The following AGRN variants were observed in gnomAD, a reference collection of about 807,000 sequenced individuals.
AGRN encodes agrin proteoglycan.
A neutral mutation model predicts 211.0 loss-of-function variants in AGRN; 106 were observed. The observed-to-expected ratio is 0.50, with a 90% CI of 0.43 to 0.59. AGRN has a LOEUF of 0.59. AGRN is among the 20% of genes least tolerant of loss of function. AGRN has a pLI of 0.00. For missense variants in AGRN, 3,040 were observed against 2,982.6 expected (o/e 1.02, Z -0.45); for synonymous variants, 1,525 against 1,332.5 (o/e 1.14, Z -3.15).
At chr1:1,033,429 C>G (rs913672261) in intron 2 of AGRN, among the ~76,000 whole-genome samples, 4 of 151,568 alleles carry the variant, frequency 2.6e-5, no homozygotes, top group African/African-American at 9.7e-5. Context: ...CTCCGATTCA[C>G]CCCCGCGGGT....
intron 33 of AGRN, chr1:1,052,961 A>T (rs901689868): frequency 5.9e-6 from 1 of 169,938 alleles, no homozygotes; most frequent in African/African-American, 2.4e-5. Context: ...TGTGTGTATG[A>T]ACAGGTGTAA....
Position 1,031,349 on chromosome 1 carries a change from C to A in AGRN, c.464-3928C>A, listed in dbSNP as rs1644673391. On this transcript the variant is annotated intron_variant, in intron 2 of 35. Coordinates refer to ENST00000379370, the MANE Select transcript of AGRN (RefSeq NM_198576.4). This position sits in a 1 kb window ranked among gnomAD's most constrained non-coding sequence, Gnocchi z 4.8. Reference sequence around the variant, plus strand: ...GAGATCAGGGACCAGGGGGCTAGTACTCTTTCCTGCACATGAGCCTGCGTG... The same window carrying A: ...GAGATCAGGGACCAGGGGGCTAGTAATCTTTCCTGCACATGAGCCTGCGTG... Among the ~76,000 whole-genome samples the A allele has an allele frequency of 6.6e-6, 1 of 152,134 alleles. No individual in the cohort carries two copies. Among genetic ancestry groups the A allele is most frequent in the South Asian group, 2.1e-4 (1 of 4,830 alleles).
At chr1:1,053,618 G>C in intron 33 of AGRN, 135 bp from the exon 34 acceptor site, 1 of 1,494,762 alleles carries the variant, frequency 6.7e-7, no homozygotes, top group South Asian at 1.2e-5. Context: ...CACTGTCGGT[G>C]TCTGCCCACC....
chr1:1,045,167 C>T lies in AGRN; in HGVS notation c.2261C>T (p.Thr754Ile). The change falls in exon 13 of 36, where the codon ACC becomes ATC. Residue 754 changes from threonine to isoleucine, a missense_variant. Transcript: ENST00000379370. ...CCCGTACCCTTTCCTGCAGGCCCCA[C>T]CTTCGCCCCGCTGCCGCCTGTGGCC... ...VAAQGACRGP[T>I]FAPLPPVAPL... 1.9e-6 allele frequency: 3 copies of T among 1,612,264 alleles called. No homozygotes were observed. The highest frequency in any genetic ancestry group is 2.5e-6 in the Non-Finnish European group (3 of 1,179,960).
intron 3 of AGRN, among the ~76,000 whole-genome samples, chr1:1,036,128 G>A (rs1025335844): frequency 2.0e-5 from 3 of 152,214 alleles, no homozygotes; most frequent in African/African-American, 7.2e-5. Flanking sequence ...TGTGAGGGCT[G>A]TGCTGAGGCC....
At chr1:1,025,139 G>T (rs1644492005) in intron 2 of AGRN, among the ~76,000 whole-genome samples, 1 of 152,168 alleles carries the variant, frequency 6.6e-6, no homozygotes, top group South Asian at 2.1e-4. Context: ...TAGGAGCCAG[G>T]AGCAGAGAAA....
chr1:1,039,473 C>T (rs978474787), intron 3 of AGRN, among the ~76,000 whole-genome samples: 4 of 151,990 alleles, frequency 2.6e-5, no homozygotes, highest in Non-Finnish European at 5.9e-5. Context: ...GGTAGCCACC[C>T]CTCTGACATG....
chr1:1,044,271 C>T lies in AGRN; in HGVS notation c.2148+14C>T, dbSNP rs761042196. 3.7e-6 allele frequency: 6 copies of T among 1,612,740 alleles called. No homozygotes were observed. Among genetic ancestry groups the T allele is most frequent in the Middle Eastern group, 1.6e-4 (1 of 6,062 alleles). ...CCAGGCAGCCCGGTGAGCTCTGTAC[C>T]CCTGGCTCTCGGCGGGCGGCGGGGA... On this transcript the variant is annotated intron_variant, in intron 11 of 35. Coordinates refer to ENST00000379370, the MANE Select transcript of AGRN (RefSeq NM_198576.4).
rs201563402 is a variant in AGRN, at chr1:1,047,364, C to G, written c.3426C>G (p.Gly1142=). The G allele has an allele frequency of 3.1e-6, 5 of 1,609,426 alleles. No individual in the cohort carries two copies. The highest frequency in any genetic ancestry group is 2.2e-5 in the East Asian group (1 of 44,828). The part of the protein sequence containing the change: ...KVFQGVLELE[G]VEGQELFYTP... ...TCCAGGGCGTCCTGGAGCTGGAGGG[C>G]GTCGAGGGCCAGGAGCTGTTCTACA... Residue 1142 remains glycine, a synonymous_variant, in exon 20 of 36, where the codon GGC becomes GGG. Transcript: ENST00000379370.
intron 2 of AGRN, chr1:1,034,942 C>T (rs1644765468): frequency 2.2e-6 from 1 of 457,252 alleles, no homozygotes; most frequent in Middle Eastern, 6.1e-4. Context: ...GGGCAGCCGG[C>T]TACACTGAGA....
intron 30 of AGRN, 125 bp downstream of exon 30, chr1:1,050,962 G>GTCCTCTGCC (rs935669772): frequency 7.7e-6 from 12 of 1,549,906 alleles, no homozygotes; most frequent in South Asian, 1.2e-5. Context: ...CGCCTGCCCT[G>GTCCTCTGCC]TCCTCTGCCT....
At position 1,043,835 on chromosome 1, in the gene AGRN, A is replaced by G; in HGVS notation, c.1811A>G (p.Asp604Gly). 4 of 1,610,998 alleles carry G rather than the reference A, an allele frequency of 2.5e-6. No homozygotes were observed. Among genetic ancestry groups the G allele is most frequent in the Non-Finnish European group, 3.4e-6 (4 of 1,179,806 alleles). The change falls in exon 10 of 36, where the codon GAT becomes GGT. Residue 604 changes from aspartate (D) to glycine (G), a missense_variant. Around this residue, in one of 3 missense-constraint regions of AGRN, gnomAD observed 1,498 missense variants for 1,457.8 expected, o/e 1.03. Transcript: ENST00000379370. ...ASAGPCETCG[D>G]AVCAFGAVCS... ...CTGTCTCCTGCAGAGACCTGTGGAG[A>G]TGCCGTGTGTGCTTTTGGGGCTGTG...
chr1:1,045,654 G>A (rs1015654215), intron 14 of AGRN, 79 bp from the exon 15 acceptor site: 1 of 1,610,600 alleles, frequency 6.2e-7, no homozygotes, highest in Non-Finnish European at 8.5e-7. Flanking sequence ...CAGAGCCAGG[G>A]TTGGGGACCA....
In AGRN at chr1:1,045,408, A is replaced by G. The variant is rs756219421; in HGVS notation, c.2421A>G (p.Pro807=). Reference sequence around the variant, plus strand: ...GCTCTTACGGCGGCACCTGTGACCCAGCCACAGGCCAGTGCTCCTGCCGCC... The same window carrying G: ...GCTCTTACGGCGGCACCTGTGACCCGGCCACAGGCCAGTGCTCCTGCCGCC... ...PHGSYGGTCD[P]ATGQCSCRPG... Residue 807 remains proline, a synonymous_variant, in exon 14 of 36, where the codon CCA becomes CCG. Transcript: ENST00000379370. 114 of 1,611,818 alleles carry G rather than the reference A, an allele frequency of 7.1e-5. No individual in the cohort carries two copies. The highest frequency in any genetic ancestry group is 9.2e-5 in the Non-Finnish European group (109 of 1,179,808).
At position 1,026,568 on chromosome 1, in the gene AGRN, C is replaced by G. The variant is rs561545417; in HGVS notation, c.463+4106C>G. 9.9e-5 allele frequency among the ~76,000 whole-genome samples: 15 copies of G among 152,278 alleles called. No homozygotes were observed. In the East Asian group the frequency reaches 2.9e-3, roughly 29 times the overall value. On this transcript the variant is annotated intron_variant, in intron 2 of 35. Transcript: ENST00000379370. ...CAGACGCCCCACGCCCAGGGCTTTG[C>G]TTCCACCTGTGGGACCCAGGTCCAC...
In AGRN at chr1:1,043,641, C is replaced by T. The variant is rs765720576; in HGVS notation, c.1707C>T (p.Ser569=). The T allele has an allele frequency of 1.0e-5, 16 of 1,602,406 alleles. No homozygotes were observed. Among genetic ancestry groups the T allele is most frequent in the East Asian group, 2.2e-5 (1 of 44,884 alleles). Residue 569 remains serine, a synonymous_variant, in exon 9 of 36, where the codon TCC becomes TCT. Coordinates refer to ENST00000379370, the MANE Select transcript of AGRN (RefSeq NM_198576.4). ...CVALAQPVCG[S]DGHTYPSECM... ...CTTTGGCCCAGCCCGTGTGTGGCTC[C>T]GACGGGCACACGTACCCCAGCGAGT...
intron 26 of AGRN, 53 bp from the exon 27 acceptor site, chr1:1,049,849 AC>A: frequency 4.3e-6 from 7 of 1,610,254 alleles, no homozygotes; most frequent in Non-Finnish European, 5.9e-6. Context: ...TGTGGGCGGT[AC>A]CCAACCGACG....
chr1:1,050,274 A>G lies in AGRN; in HGVS notation c.4921A>G (p.Asn1641Asp), dbSNP rs1480378637. Reference sequence around the variant, plus strand: ...CTCTGGGCCCTTCCTGGCTGACTTCAACGGCTTCTCCCACCTGGAGCTGAG... The same window carrying G: ...CTCTGGGCCCTTCCTGGCTGACTTCGACGGCTTCTCCCACCTGGAGCTGAG... ...DGSGPFLADF[N>D]GFSHLELRGL... Residue 1641 changes from asparagine (N) to aspartate (D), a missense_variant, in exon 28 of 36, where the codon AAC becomes GAC. Transcript: ENST00000379370. 1.9e-6 allele frequency: 3 copies of G among 1,612,826 alleles called. No homozygotes were observed. The highest frequency in any genetic ancestry group is 2.2e-5 in the East Asian group (1 of 44,832).
In AGRN at chr1:1,022,270, A is replaced by G; in HGVS notation, c.271A>G (p.Lys91Glu). Residue 91 changes from lysine (K) to glutamate (E), a missense_variant, in exon 2 of 36, where the codon AAG becomes GAG. Transcript: ENST00000379370. ...ARESLLDGGN[K>E]VVISGFGDPL... Reference sequence around the variant, plus strand: ...GGAGAGCCTGCTGGACGGCGGCAACAAGGTGGTGATCAGCGGCTTTGGAGA... The same window carrying G: ...GGAGAGCCTGCTGGACGGCGGCAACGAGGTGGTGATCAGCGGCTTTGGAGA... 1.2e-6 allele frequency: 2 copies of G among 1,613,258 alleles called. No individual in the cohort carries two copies. The highest frequency in any genetic ancestry group is 1.7e-6 in the Non-Finnish European group (2 of 1,179,998).
Sources: gnomAD v4.1 joint callset for allele counts (sites outside exome capture counted in the v4.1 genomes callset) on GRCh38, gnomAD v4.1.1 for gene constraint, gnomAD v4.1.1 regional missense constraint, Gnocchi (gnomAD v3.1) non-coding constraint, MANE v1.5 for transcripts, NCBI Gene and HGNC (gene_info 2026-07-23, HGNC 2026-07-21) for gene names.